SOCS2: variants seen among roughly 807,000 people sequenced by gnomAD.
SOCS2 encodes CIS-2.
A neutral mutation model predicts 18.6 loss-of-function variants in SOCS2; 10 were observed. The ratio of observed to expected loss-of-function variants is 0.54; its 90% confidence interval spans 0.33 to 0.91. The LOEUF is 0.91. Ranked by LOEUF, SOCS2 falls within the 40% of genes least tolerant of loss-of-function variation. The probability of loss-of-function intolerance (pLI) is 0.02; values close to 1 mark genes in which losing one functional copy is unlikely to be tolerated. For missense variants in SOCS2, 231 were observed against 247.2 expected (o/e 0.93, Z 0.44); for synonymous variants, 104 against 104.0 (o/e 1.00, Z 0.00).
the SOCS2 span, among the ~76,000 whole-genome samples, chr12:93,625,615 G>A: frequency 6.6e-6 from 1 of 151,972 alleles, no homozygotes; most frequent in East Asian, 1.9e-4. Flanking sequence ...GGGTGTGGTG[G>A]CACGTGCCTG....
chr12:93,589,963 G>A, the SOCS2 span, among the ~76,000 whole-genome samples: 1 of 152,154 alleles, frequency 6.6e-6, no homozygotes, highest in Non-Finnish European at 1.5e-5. Flanking sequence ...TGTTGAGATG[G>A]ACCTTCCAGG....
intron 1 of SOCS2, 32 bp downstream of exon 1, chr12:93,573,068 G>T: frequency 1.3e-6 from 2 of 1,549,336 alleles, no homozygotes; most frequent in Non-Finnish European, 1.7e-6. Context: ...ACGCGTGCGG[G>T]AGGGAGCGCC....
the SOCS2 span, among the ~76,000 whole-genome samples, chr12:93,614,487 CCTTCCTT>C: frequency 1.3e-4 from 4 of 30,052 alleles, no homozygotes; most frequent in African/African-American, 4.1e-4. Context: ...TCCTTTCCTT[CCTTCCTT>C]CCTTCCTTCC....
chr12:93,611,832 G>T, the SOCS2 span, among the ~76,000 whole-genome samples: 1 of 152,044 alleles, frequency 6.6e-6, no homozygotes, highest in African/African-American at 2.4e-5. Context: ...TGTACATTTG[G>T]TAAGACTTCC....
At chr12:93,613,170 C>T in the SOCS2 span, among the ~76,000 whole-genome samples, 1 of 152,084 alleles carries the variant, frequency 6.6e-6, no homozygotes, top group Non-Finnish European at 1.5e-5. Flanking sequence ...CATGGCTTTC[C>T]GAAGGTATTT....
chr12:93,572,700 C>A lies in SOCS2; in HGVS notation c.-198C>A, dbSNP rs1954299735. The A allele has an allele frequency of 1.3e-6, 1 of 774,126 alleles. No homozygotes were observed. The highest frequency in any genetic ancestry group is 1.7e-5 in the African/African-American group (1 of 58,606). The allele number at this position is 774,126 out of a possible 1,614,324, so 48.0% of individuals were successfully genotyped here. On this transcript the variant is annotated 5_prime_UTR_variant, in exon 1 of 2. Transcript: ENST00000551556. This position sits in a 1 kb window ranked among gnomAD's most constrained non-coding sequence, Gnocchi z 5.0. ...CTCTTTGTAGGCGATCAGTGGGTGACCGCGGCTGCGAGGGACTTTGTCATC... is the reference window on the plus strand; with the variant it reads ...CTCTTTGTAGGCGATCAGTGGGTGAACGCGGCTGCGAGGGACTTTGTCATC...
chr12:93,618,840 T>C, the SOCS2 span, among the ~76,000 whole-genome samples: 3 of 152,250 alleles, frequency 2.0e-5, no homozygotes, highest in Admixed American at 6.5e-5. Flanking sequence ...ACCTTGTTTA[T>C]GGTTTGTATC....
the SOCS2 span, among the ~76,000 whole-genome samples, chr12:93,596,488 T>C: frequency 6.6e-6 from 1 of 152,146 alleles, no homozygotes; most frequent in Admixed American, 6.5e-5. Flanking sequence ...AAGATAAGAC[T>C]ACCAAGAGAC....
the SOCS2 span, among the ~76,000 whole-genome samples, chr12:93,589,669 G>A: frequency 3.3e-5 from 5 of 152,270 alleles, no homozygotes; most frequent in South Asian, 2.1e-4. Flanking sequence ...ACTTTGGTTC[G>A]CTTGCTGAAA....
the SOCS2 span, among the ~76,000 whole-genome samples, chr12:93,590,833 C>T: frequency 2.7e-4 from 37 of 139,214 alleles, no homozygotes; most frequent in African/African-American, 1.0e-3. Flanking sequence ...GTTAGCTTCC[C>T]AGTGTACACA....
chr12:93,583,392 G>A (rs1055127166), exon 2 of SOCS2: 2 of 151,800 alleles, frequency 1.3e-5, no homozygotes, highest in African/African-American at 2.4e-5. Context: ...CATCTGTCAG[G>A]CAATTAAGAA....
At chr12:93,608,173 T>G in the SOCS2 span, among the ~76,000 whole-genome samples, 2 of 147,192 alleles carry the variant, frequency 1.4e-5, no homozygotes, top group Non-Finnish European at 2.9e-5. Flanking sequence ...TTTTTTGGTT[T>G]TTTTTTTGGT....
the SOCS2 span, among the ~76,000 whole-genome samples, chr12:93,620,389 G>C: frequency 6.6e-6 from 1 of 151,982 alleles, no homozygotes; most frequent in South Asian, 2.1e-4. Context: ...TTGTCCTGAA[G>C]AGTTTGGAGC....
chr12:93,592,911 A>G, the SOCS2 span, among the ~76,000 whole-genome samples: 1 of 139,758 alleles, frequency 7.2e-6, no homozygotes, highest in Non-Finnish European at 1.5e-5. Flanking sequence ...GGTAGGACTG[A>G]GAAAGCTTTT....
At chr12:93,621,627 C>T in the SOCS2 span, among the ~76,000 whole-genome samples, 3 of 152,144 alleles carry the variant, frequency 2.0e-5, no homozygotes, top group Non-Finnish European at 4.4e-5. Context: ...CAAGCACACA[C>T]CATCATGCCC....
the SOCS2 span, among the ~76,000 whole-genome samples, chr12:93,604,677 T>C: frequency 1.1e-4 from 17 of 152,172 alleles, no homozygotes; most frequent in Admixed American, 9.2e-4. Flanking sequence ...TATGTTTTTT[T>C]GAGACAGGGT....
At chr12:93,615,616 G>C in the SOCS2 span, among the ~76,000 whole-genome samples, 1 of 152,232 alleles carries the variant, frequency 6.6e-6, no homozygotes, top group Admixed American at 6.5e-5. Context: ...TTTTGTTTGA[G>C]ACAGAGTCTC....
At chr12:93,578,761 T>A (rs981904978), downstream of SOCS2, among the ~76,000 whole-genome samples, 4 of 152,112 alleles carry the variant, frequency 2.6e-5, no homozygotes, top group East Asian at 7.7e-4. Context: ...CAAACGCAGA[T>A]ATTTTAGTCT....
the SOCS2 span, among the ~76,000 whole-genome samples, chr12:93,596,576 C>A: frequency 6.6e-6 from 1 of 152,118 alleles, no homozygotes. Flanking sequence ...ACCTGTAATC[C>A]CAGCACTTTG....
Sources: gnomAD v4.1 joint callset for allele counts (sites outside exome capture counted in the v4.1 genomes callset) on GRCh38, gnomAD v4.1.1 for gene constraint, Gnocchi (gnomAD v3.1) non-coding constraint, MANE v1.5 for transcripts, NCBI Gene and HGNC (gene_info 2026-07-23, HGNC 2026-07-21) for gene names.